The following PPM1E variants were observed in gnomAD, a reference collection of about 807,000 sequenced individuals.
PPM1E encodes the protein protein phosphatase, Mg2+/Mn2+ dependent 1E.
Under a neutral mutation model 65.9 loss-of-function variants are expected in PPM1E, and 20 were observed. The ratio of observed to expected loss-of-function variants is 0.30; its 90% CI spans 0.21 to 0.44. The LOEUF is 0.44. PPM1E is among the 20% of genes least tolerant of loss of function. The pLI, the probability that PPM1E is intolerant of heterozygous loss-of-function variation, is 1.00. For synonymous variants in PPM1E, 352 were observed against 374.9 expected (o/e 0.94, Z 0.70); for missense variants, 713 against 953.1 (o/e 0.75, Z 3.32).
chr17:58,782,932 A>G (rs2050064514), intron 1 of PPM1E, among the ~76,000 whole-genome samples: 2 of 152,178 alleles, frequency 1.3e-5, no homozygotes, highest in Admixed American at 6.5e-5. Context: ...TCCATCAAGG[A>G]GAATAATATT....
At chr17:58,816,693 CATA>C (rs1204730577) in intron 1 of PPM1E, among the ~76,000 whole-genome samples, 2 of 138,846 alleles carry the variant, frequency 1.4e-5, no homozygotes, top group Admixed American at 1.6e-4. Context: ...TTTCACATAG[CATA>C]ATGTTTTCAA....
At chr17:58,800,418 T>A (rs867902219) in intron 1 of PPM1E, among the ~76,000 whole-genome samples, 2 of 152,290 alleles carry the variant, frequency 1.3e-5, no homozygotes, top group South Asian at 2.1e-4. Context: ...TTTTGTAATT[T>A]CTCCAGCTTT....
chr17:58,973,522 C>T (rs536355525), intron 6 of PPM1E, among the ~76,000 whole-genome samples: 1 of 150,810 alleles, frequency 6.6e-6, no homozygotes, highest in African/African-American at 2.4e-5. Context: ...TGCTTCAAAC[C>T]ACAGTGGTTG....
intron 1 of PPM1E, among the ~76,000 whole-genome samples, chr17:58,946,884 A>G (rs1304002234): frequency 1.3e-5 from 2 of 151,954 alleles, no homozygotes; most frequent in Non-Finnish European, 2.9e-5. Context: ...CAGAGCTAAG[A>G]AAACCATTGC....
intron 1 of PPM1E, among the ~76,000 whole-genome samples, chr17:58,791,709 T>G (rs1032157638): frequency 6.6e-6 from 1 of 152,078 alleles, no homozygotes; most frequent in Non-Finnish European, 1.5e-5. Context: ...GGTGATGCCT[T>G]TGAGTTTTGG....
chr17:58,916,708 GT>G (rs896468873), intron 1 of PPM1E, among the ~76,000 whole-genome samples: 8 of 152,196 alleles, frequency 5.3e-5, no homozygotes, highest in Non-Finnish European at 7.3e-5. Context: ...TAAATTGAAA[GT>G]TGGCCAGATG....
intron 1 of PPM1E, among the ~76,000 whole-genome samples, chr17:58,778,354 C>T (rs1194422686): frequency 1.3e-5 from 2 of 150,858 alleles, no homozygotes; most frequent in African/African-American, 4.9e-5. Flanking sequence ...CCTGCCTTGG[C>T]CTCCCAAAGT....
At chr17:58,766,536 C>T (rs543154259) in intron 1 of PPM1E, among the ~76,000 whole-genome samples, 1 of 151,508 alleles carries the variant, frequency 6.6e-6, no homozygotes, top group South Asian at 2.1e-4. Flanking sequence ...TGTTGTGAAT[C>T]TAAATACAAA....
intron 1 of PPM1E, among the ~76,000 whole-genome samples, chr17:58,817,849 T>G (rs930535520): frequency 6.6e-6 from 1 of 152,110 alleles, no homozygotes; most frequent in East Asian, 1.9e-4. Context: ...CCTCCTGAGT[T>G]CACGCCATTC....
At chr17:58,781,087 T>A (rs2050044862) in intron 1 of PPM1E, among the ~76,000 whole-genome samples, 1 of 151,916 alleles carries the variant, frequency 6.6e-6, no homozygotes. Context: ...AAGATTGGTA[T>A]AATGGTAGAT....
intron 1 of PPM1E, among the ~76,000 whole-genome samples, chr17:58,879,552 C>G (rs1289001400): frequency 6.9e-6 from 1 of 145,812 alleles, no homozygotes; most frequent in Non-Finnish European, 1.5e-5. Flanking sequence ...CTCTGTCGCC[C>G]AGGCTGGAGT....
chr17:58,930,248 T>TACACACAC (rs563715161), intron 1 of PPM1E, among the ~76,000 whole-genome samples: 1,741 of 142,054 alleles, frequency 0.012, 12 homozygotes, highest in Non-Finnish European at 0.018. Context: ...ATTAAATGTA[T>TACACACAC]ATACACACAC....
intron 1 of PPM1E, among the ~76,000 whole-genome samples, chr17:58,791,825 T>C (rs1222604668): frequency 6.6e-6 from 1 of 152,226 alleles, no homozygotes; most frequent in Non-Finnish European, 1.5e-5. Context: ...GGAAGAAAAC[T>C]AAGCCTCAGA....
intron 1 of PPM1E, among the ~76,000 whole-genome samples, chr17:58,867,035 C>CAGTA (rs1179509085): frequency 6.6e-6 from 1 of 152,180 alleles, no homozygotes; most frequent in Non-Finnish European, 1.5e-5. Flanking sequence ...GGCTGGAGTG[C>CAGTA]AGTGGTATGA....
Position 58,982,026 on chromosome 17 carries a change from A to G in PPM1E, c.*995A>G, listed in dbSNP as rs2031383753. 1 of 152,652 alleles carries G rather than the reference A, an allele frequency of 6.6e-6. No homozygotes were observed. The highest frequency in any genetic ancestry group is 2.4e-5 in the African/African-American group (1 of 41,462). 9.5% of individuals were successfully genotyped at this position (152,652 alleles called of 1,614,324 possible). A position where few individuals can be genotyped will look rare whatever the true frequency, so the allele number is the denominator to read the frequency against. On this transcript the variant is annotated 3_prime_UTR_variant, in exon 7 of 7. Coordinates refer to ENST00000308249, the MANE Select transcript of PPM1E (RefSeq NM_014906.5). ...TTAGAGAATGAAAAATGCTACTTTT[A>G]TCTTCTCTAAAATTATTTCCCCCAA... is the stretch of plus-strand genomic sequence containing the variant.
At chr17:58,919,565 C>T (rs2051725697) in intron 1 of PPM1E, among the ~76,000 whole-genome samples, 1 of 152,104 alleles carries the variant, frequency 6.6e-6, no homozygotes, top group Non-Finnish European at 1.5e-5. Context: ...ATGGGAGGAT[C>T]ACCTGAGATC....
chr17:58,806,244 T>A (rs1186881016), intron 1 of PPM1E, among the ~76,000 whole-genome samples: 2 of 151,932 alleles, frequency 1.3e-5, no homozygotes, highest in Non-Finnish European at 2.9e-5. Flanking sequence ...AAGTCTATGT[T>A]TTTTTTTCCT....
intron 1 of PPM1E, among the ~76,000 whole-genome samples, chr17:58,787,931 GA>G (rs1021052154): frequency 6.8e-6 from 1 of 147,978 alleles, no homozygotes; most frequent in African/African-American, 2.5e-5. Context: ...AGAAAAGAAA[GA>G]AAAAAATGGT....
intron 1 of PPM1E, among the ~76,000 whole-genome samples, chr17:58,805,987 AAACAAAAC>A (rs1598582503): frequency 1.6e-4 from 18 of 110,146 alleles, no homozygotes; most frequent in East Asian, 8.8e-4. Flanking sequence ...AAAAAAAACA[AAACAAAAC>A]AAAACAAAAA....
Sources: gnomAD v4.1 joint callset for allele counts (sites outside exome capture counted in the v4.1 genomes callset) on GRCh38, gnomAD v4.1.1 for gene constraint, MANE v1.5 for transcripts, NCBI Gene and HGNC (gene_info 2026-07-23, HGNC 2026-07-21) for gene names.